PDE8B: variants seen among roughly 807,000 people sequenced by gnomAD.
PDE8B encodes the protein high affinity cAMP-specific and IBMX-insensitive 3',5'-cyclic phosphodiesterase 8B.
PDE8B carries 26 observed loss-of-function variants against 101.3 expected under a neutral mutation model. The ratio of observed to expected loss-of-function variants is 0.26; its 90% CI spans 0.19 to 0.36. The LOEUF is 0.36. PDE8B is among the 10% of genes least tolerant of loss of function. The probability of loss-of-function intolerance (pLI) is 1.00; values close to 1 mark genes in which losing one functional copy is unlikely to be tolerated. For synonymous variants in PDE8B, 424 were observed against 429.3 expected (o/e 0.99, Z 0.15); for missense variants, 810 against 1,163.1 (o/e 0.70, Z 4.42).
intron 10 of PDE8B, among the ~76,000 whole-genome samples, chr5:77,363,323 G>C (rs1033796974): frequency 6.6e-6 from 1 of 152,172 alleles, no homozygotes; most frequent in Admixed American, 6.5e-5. Context: ...TGTATCTTCG[G>C]AGAATTCATA....
At chr5:77,297,824 A>G (rs1477094380) in intron 1 of PDE8B, among the ~76,000 whole-genome samples, 1 of 152,104 alleles carries the variant, frequency 6.6e-6, no homozygotes, top group Non-Finnish European at 1.5e-5. Context: ...TGCTCCTTCC[A>G]TCGGTCTTCA....
chr5:77,357,501 C>T (rs892912967), intron 10 of PDE8B, among the ~76,000 whole-genome samples: 11 of 152,194 alleles, frequency 7.2e-5, no homozygotes, highest in Non-Finnish European at 1.6e-4. Flanking sequence ...CACAGCCTGG[C>T]TTCACCAGCA....
chr5:77,421,892 C>A lies in PDE8B; in HGVS notation c.2322C>A (p.Arg774=). 6.2e-7 allele frequency: 1 copy of A among 1,614,116 alleles called. No homozygotes were observed. Among genetic ancestry groups the A allele is most frequent in the African/African-American group, 1.3e-5 (1 of 75,044 alleles). The change falls in exon 20 of 22, where the codon CGC becomes CGA. Residue 774 remains arginine, a synonymous_variant. Transcript: ENST00000264917. ...NFPENQILIK[R]MMIKCADVAN... ...CTGAAAACCAAATCCTGATCAAACGCATGATGATTAAGTGTGCTGACGTGG... is the reference window on the plus strand; with the variant it reads ...CTGAAAACCAAATCCTGATCAAACGAATGATGATTAAGTGTGCTGACGTGG...
At chr5:77,237,899 A>T (rs996239957) in intron 1 of PDE8B, among the ~76,000 whole-genome samples, 13 of 152,144 alleles carry the variant, frequency 8.5e-5, no homozygotes, top group Admixed American at 2.6e-4. Context: ...CCACCCCAGG[A>T]CTTTGAAGAT....
chr5:77,341,387 A>G (rs1311596160), intron 6 of PDE8B, among the ~76,000 whole-genome samples: 1 of 152,232 alleles, frequency 6.6e-6, no homozygotes, highest in African/African-American at 2.4e-5. Context: ...GTGGATAATC[A>G]TAAAATGAAT....
the PDE8B span, among the ~76,000 whole-genome samples, chr5:77,121,696 C>T: frequency 1.7e-4 from 26 of 152,084 alleles, no homozygotes; most frequent in African/African-American, 5.5e-4. Context: ...TTAGTAGAGA[C>T]GGGGTTTCAC....
At chr5:77,318,385 T>G (rs952186989) in intron 2 of PDE8B, among the ~76,000 whole-genome samples, 5 of 152,314 alleles carry the variant, frequency 3.3e-5, no homozygotes, top group African/African-American at 9.6e-5. Context: ...GTAAAAATAT[T>G]TATGGTGCTG....
chr5:77,259,084 CACACA>C (rs1284959935), intron 1 of PDE8B, among the ~76,000 whole-genome samples: 2 of 70,818 alleles, frequency 2.8e-5, no homozygotes, highest in African/African-American at 5.7e-5. Context: ...GCCCCCCCCC[CACACA>C]CACACACGAA....
chr5:77,313,980 T>A (rs757003316), intron 2 of PDE8B, among the ~76,000 whole-genome samples: 12 of 152,222 alleles, frequency 7.9e-5, no homozygotes, highest in Non-Finnish European at 1.6e-4. Context: ...AAGAATTCAT[T>A]GCCTAATCTA....
chr5:77,416,111 TTC>T (rs757865993), intron 17 of PDE8B, among the ~76,000 whole-genome samples: 41 of 152,296 alleles, frequency 2.7e-4, no homozygotes, highest in Non-Finnish European at 5.0e-4. Flanking sequence ...TCCCAGCCAT[TTC>T]TGGTCTGACA....
At chr5:77,088,961 A>G in the PDE8B span, among the ~76,000 whole-genome samples, 1 of 152,202 alleles carries the variant, frequency 6.6e-6, no homozygotes, top group Admixed American at 6.5e-5. Context: ...TATCCTTAAA[A>G]GAAGAACAAG....
the PDE8B span, among the ~76,000 whole-genome samples, chr5:77,098,072 G>A: frequency 2.6e-5 from 4 of 151,882 alleles, no homozygotes; most frequent in Non-Finnish European, 4.4e-5. Context: ...TTTGAGGGCC[G>A]ACTGCAGGAA....
At chr5:77,338,570 A>G (rs969244535) in intron 6 of PDE8B, among the ~76,000 whole-genome samples, 22 of 152,130 alleles carry the variant, frequency 1.4e-4, no homozygotes, top group Admixed American at 1.4e-3. Context: ...GTTTCTTTTT[A>G]TGTGTATGTC....
chr5:77,338,728 A>C (rs925374759), intron 6 of PDE8B, among the ~76,000 whole-genome samples: 1 of 152,190 alleles, frequency 6.6e-6, no homozygotes, highest in African/African-American at 2.4e-5. Context: ...TAGTACTTTT[A>C]TTTTAGATGT....
At chr5:77,404,861 A>T in intron 12 of PDE8B, 64 bp downstream of exon 12, 1 of 1,060,334 alleles carries the variant, frequency 9.4e-7, no homozygotes. Context: ...AGAATATGTT[A>T]AAAAATTCAT....
the PDE8B span, among the ~76,000 whole-genome samples, chr5:77,197,885 G>GT: frequency 6.6e-6 from 1 of 151,330 alleles, no homozygotes; most frequent in Non-Finnish European, 1.5e-5. Flanking sequence ...CACAATGCTT[G>GT]TTTTTTTTCA....
At chr5:77,249,801 G>A (rs1238120429) in intron 1 of PDE8B, among the ~76,000 whole-genome samples, 1 of 152,192 alleles carries the variant, frequency 6.6e-6, no homozygotes, top group African/African-American at 2.4e-5. Context: ...ATAAAAATTA[G>A]AGGATTTAAA....
the PDE8B span, among the ~76,000 whole-genome samples, chr5:77,167,190 C>G: frequency 9.2e-5 from 14 of 152,240 alleles, no homozygotes; most frequent in Admixed American, 5.9e-4. Context: ...ATAGCAGGCA[C>G]TAATTCCTGT....
intron 1 of PDE8B, among the ~76,000 whole-genome samples, chr5:77,288,853 T>A (rs1191971161): frequency 6.6e-6 from 1 of 151,278 alleles, no homozygotes; most frequent in Non-Finnish European, 1.5e-5. Flanking sequence ...TTTTTTTTTT[T>A]TTTTTTTATT....
Sources: allele counts gnomAD v4.1 joint callset (sites outside exome capture counted in the v4.1 genomes callset), GRCh38; gene constraint gnomAD v4.1.1; transcripts MANE v1.5; gene names NCBI Gene and HGNC (gene_info 2026-07-23, HGNC 2026-07-21).